Variants in CACNA1E observed in about 807,000 individuals in gnomAD.
CACNA1E encodes voltage-dependent R-type calcium channel subunit alpha-1E.
Under a neutral mutation model 259.2 loss-of-function variants are expected in CACNA1E, and 40 were observed. The ratio of observed to expected loss-of-function variants is 0.15; its 90% confidence interval spans 0.12 to 0.20. The LOEUF (loss-of-function observed/expected upper bound fraction) is 0.20, where lower values mean the gene tolerates loss of function less well. Among genes scored for constraint, CACNA1E ranks in the 10% least tolerant of loss-of-function variants. The pLI is 1.00. For synonymous variants in CACNA1E, 1,104 were observed against 1,138.5 expected, an observed-to-expected ratio of 0.97 and a Z score of 0.61; for missense variants, 1,874 against 3,040.1, an observed-to-expected ratio of 0.62 and a Z score of 9.02.
intron 6 of CACNA1E, among the ~76,000 whole-genome samples, chr1:181,640,423 C>T (rs1209227598): frequency 6.6e-6 from 1 of 152,174 alleles, no homozygotes; most frequent in East Asian, 1.9e-4. Context: ...TGCTTTCAAC[C>T]TGTTTTTGTT....
At chr1:181,733,809 G>A (rs917612111) in intron 21 of CACNA1E, 59 bp downstream of exon 21, 2 of 1,314,958 alleles carry the variant, frequency 1.5e-6, no homozygotes, top group Non-Finnish European at 2.0e-6. Context: ...TGGGGCTGGG[G>A]CCATGACAAT....
At chr1:181,413,948 C>T (rs1030777415) in intron 2 of CACNA1E, among the ~76,000 whole-genome samples, 2 of 152,228 alleles carry the variant, frequency 1.3e-5, no homozygotes, top group Non-Finnish European at 2.9e-5. Context: ...TCATCTATTT[C>T]ATCTTTACTT....
upstream of CACNA1E, among the ~76,000 whole-genome samples, chr1:181,481,223 T>C (rs945164060): frequency 1.3e-5 from 2 of 152,134 alleles, no homozygotes; most frequent in Non-Finnish European, 1.5e-5. Context: ...CCTTGAATAG[T>C]AATTTCACCT....
chr1:181,578,940 A>G (rs1264729995), intron 4 of CACNA1E, 132 bp from the exon 5 acceptor site: 7 of 701,932 alleles, frequency 1.0e-5, no homozygotes, highest in South Asian at 7.8e-5. Flanking sequence ...AAAGGAGCAC[A>G]TTCTAATAAA....
chr1:181,562,072 C>T (rs1302119520), intron 3 of CACNA1E, among the ~76,000 whole-genome samples: 1 of 151,956 alleles, frequency 6.6e-6, no homozygotes, highest in Non-Finnish European at 1.5e-5. Flanking sequence ...TTCTTTTGGC[C>T]ATTTTTTAAT....
At chr1:181,415,216 C>G (rs191547219) in intron 2 of CACNA1E, among the ~76,000 whole-genome samples, 1 of 152,184 alleles carries the variant, frequency 6.6e-6, no homozygotes, top group African/African-American at 2.4e-5. Context: ...TCTGGCCTAA[C>G]CCAAAAAATC....
intron 3 of CACNA1E, among the ~76,000 whole-genome samples, chr1:181,528,295 G>C (rs1667515212): frequency 6.6e-6 from 1 of 151,998 alleles, no homozygotes; most frequent in Non-Finnish European, 1.5e-5. Context: ...CATGTAAGAA[G>C]TATGTTTCAC....
Position 181,734,971 on chromosome 1 carries a change from T to C in CACNA1E, c.3262+1221T>C, listed in dbSNP as rs111812635. Among the ~76,000 whole-genome samples, 1,178 of 152,384 alleles carry C rather than the reference T, an allele frequency of 7.7e-3. 28 individuals carry two copies. Among genetic ancestry groups the C allele is most frequent in the African/African-American group, 0.022 (923 of 41,602 alleles). On this transcript the variant is annotated intron_variant, in intron 21 of 47. Transcript: ENST00000367573. ...TGCATTAATCCCACCTGCTGCCCCG[T>C]GATCACTGAATTGTGACCACAGGAT...
At chr1:181,389,159 G>A (rs574185461) in intron 1 of CACNA1E, among the ~76,000 whole-genome samples, 8 of 104,978 alleles carry the variant, frequency 7.6e-5, no homozygotes, top group African/African-American at 2.8e-4. Flanking sequence ...CCAAGCTTAC[G>A]TAACGTGTAT....
chr1:181,420,556 A>G (rs1400372146), intron 2 of CACNA1E, among the ~76,000 whole-genome samples: 1 of 152,192 alleles, frequency 6.6e-6, no homozygotes, highest in Non-Finnish European at 1.5e-5. Flanking sequence ...TATTATTTAT[A>G]ATTTACAGGA....
chr1:181,592,570 T>C (rs1378077309), intron 6 of CACNA1E, among the ~76,000 whole-genome samples: 1 of 151,946 alleles, frequency 6.6e-6, no homozygotes, highest in Non-Finnish European at 1.5e-5. Flanking sequence ...GGTTTGCGTG[T>C]AATTAGCAGT....
At chr1:181,417,621 C>A (rs1658367506) in intron 2 of CACNA1E, among the ~76,000 whole-genome samples, 1 of 152,164 alleles carries the variant, frequency 6.6e-6, no homozygotes, top group African/African-American at 2.4e-5. Context: ...CTCCAGTTGG[C>A]CCTTAGTCCT....
chr1:181,739,484 A>C (rs1656361744), intron 25 of CACNA1E, among the ~76,000 whole-genome samples: 1 of 152,130 alleles, frequency 6.6e-6, no homozygotes, highest in Non-Finnish European at 1.5e-5. Flanking sequence ...GTCAGGAGGG[A>C]GAAGTCAGAG....
intron 1 of CACNA1E, among the ~76,000 whole-genome samples, chr1:181,368,313 T>C (rs573402941): frequency 3.3e-5 from 5 of 151,560 alleles, no homozygotes; most frequent in Admixed American, 6.6e-5. Flanking sequence ...ATCGCAAATC[T>C]ACCAGAATAC....
chr1:181,549,569 C>T (rs1274107340), intron 3 of CACNA1E, among the ~76,000 whole-genome samples: 3 of 152,194 alleles, frequency 2.0e-5, no homozygotes, highest in East Asian at 1.9e-4. Context: ...GATGATGCTG[C>T]CTCCAGTTTT....
intron 6 of CACNA1E, among the ~76,000 whole-genome samples, chr1:181,598,566 T>C (rs893606586): frequency 1.3e-5 from 2 of 152,052 alleles, no homozygotes; most frequent in East Asian, 1.9e-4. Flanking sequence ...GGGGAAGAGA[T>C]TGGGGGTGAG....
At chr1:181,503,973 T>G (rs1283600117) in intron 1 of CACNA1E, among the ~76,000 whole-genome samples, 3 of 152,188 alleles carry the variant, frequency 2.0e-5, no homozygotes, top group African/African-American at 7.2e-5. Context: ...ATGTAAAATG[T>G]CTATTTGGTG....
intron 7 of CACNA1E, among the ~76,000 whole-genome samples, chr1:181,684,952 C>A (rs1365472822): frequency 6.7e-6 from 1 of 148,656 alleles, no homozygotes; most frequent in African/African-American, 2.5e-5. Context: ...GATTGGACAG[C>A]CTTTGAATTA....
At chr1:181,368,113 C>A (rs1224199919) in intron 1 of CACNA1E, among the ~76,000 whole-genome samples, 3 of 152,076 alleles carry the variant, frequency 2.0e-5, no homozygotes, top group Non-Finnish European at 4.4e-5. Flanking sequence ...CACCTGTAAT[C>A]CCAGCTATTG....
Sources: allele counts gnomAD v4.1 joint callset (sites outside exome capture counted in the v4.1 genomes callset), GRCh38; gene constraint gnomAD v4.1.1; transcripts MANE v1.5; gene names NCBI Gene and HGNC (gene_info 2026-07-23, HGNC 2026-07-21).